Variants in DLG2 observed in about 807,000 individuals in gnomAD.
The protein encoded by DLG2 is disks large homolog 2.
DLG2 carries 45 observed loss-of-function variants against 132.5 expected under a neutral mutation model. The ratio of observed to expected loss-of-function variants is 0.34; its 90% CI spans 0.27 to 0.44. The LOEUF (loss-of-function observed/expected upper bound fraction) is 0.44. DLG2 is among the 20% of genes least tolerant of loss of function. DLG2 has a pLI of 1.00. For missense variants in DLG2, 1,045 were observed against 1,196.9 expected, an observed-to-expected ratio of 0.87 and a Z score of 1.87; for synonymous variants, 424 against 419.6, an observed-to-expected ratio of 1.01 and a Z score of -0.13.
At chr11:83,813,012 T>C (rs922383647) in intron 17 of DLG2, among the ~76,000 whole-genome samples, 2 of 152,300 alleles carry the variant, frequency 1.3e-5, no homozygotes, top group Non-Finnish European at 2.9e-5. Context: ...GGGTGCTCTA[T>C]ACCCCTTGGC....
chr11:85,401,905 G>C (rs1458802035), intron 3 of DLG2, among the ~76,000 whole-genome samples: 1 of 152,092 alleles, frequency 6.6e-6, no homozygotes, highest in African/African-American at 2.4e-5. Context: ...TGTGAAAATG[G>C]CCATACTGCC....
chr11:84,278,603 C>T (rs1463196234), intron 7 of DLG2, among the ~76,000 whole-genome samples: 3 of 151,826 alleles, frequency 2.0e-5, no homozygotes, highest in Non-Finnish European at 2.9e-5. Context: ...CAAATTTAAT[C>T]GAACAATATA....
At chr11:84,327,824 T>C (rs2098440037) in intron 7 of DLG2, among the ~76,000 whole-genome samples, 1 of 152,238 alleles carries the variant, frequency 6.6e-6, no homozygotes, top group East Asian at 1.9e-4. Flanking sequence ...TCTTTTAAGT[T>C]CCTTAGTTCT....
chr11:84,594,230 A>C (rs1213704417), intron 6 of DLG2, among the ~76,000 whole-genome samples: 5 of 152,210 alleles, frequency 3.3e-5, no homozygotes, highest in Non-Finnish European at 7.3e-5. Context: ...CCTGGTAAGA[A>C]ATGCACAGTT....
chr11:83,477,840 T>C (rs1814084262), intron 22 of DLG2, among the ~76,000 whole-genome samples: 1 of 152,064 alleles, frequency 6.6e-6, no homozygotes. Flanking sequence ...TCAAAGTTGG[T>C]ACCTCCTGGA....
intron 3 of DLG2, among the ~76,000 whole-genome samples, chr11:85,305,595 C>A (rs988885841): frequency 6.6e-6 from 1 of 152,142 alleles, no homozygotes; most frequent in Admixed American, 6.5e-5. Flanking sequence ...TCACTGCAAG[C>A]TCCGCCTCCC....
chr11:84,667,089 A>C (rs919279959), intron 6 of DLG2, among the ~76,000 whole-genome samples: 6 of 152,230 alleles, frequency 3.9e-5, no homozygotes, highest in Middle Eastern at 3.4e-3. Context: ...CCGTTATGTG[A>C]GTGTTAGTTA....
chr11:83,621,262 T>G (rs894567094), intron 19 of DLG2, among the ~76,000 whole-genome samples: 1 of 152,148 alleles, frequency 6.6e-6, no homozygotes, highest in East Asian at 1.9e-4. Flanking sequence ...ATCAACGCCA[T>G]GATTTTTTTT....
intron 3 of DLG2, among the ~76,000 whole-genome samples, chr11:85,549,039 A>G (rs2076501373): frequency 6.6e-6 from 1 of 151,898 alleles, no homozygotes; most frequent in Non-Finnish European, 1.5e-5. Flanking sequence ...TGGGGTATGA[A>G]AAAAAAACTC....
intron 3 of DLG2, among the ~76,000 whole-genome samples, chr11:85,323,491 C>T (rs2081224997): frequency 6.6e-6 from 1 of 152,144 alleles, no homozygotes; most frequent in Admixed American, 6.5e-5. Context: ...TTTGTCATTT[C>T]TTTGTGTTGG....
At chr11:84,084,891 C>G (rs1365619347) in intron 10 of DLG2, among the ~76,000 whole-genome samples, 1 of 152,162 alleles carries the variant, frequency 6.6e-6, no homozygotes, top group Non-Finnish European at 1.5e-5. Context: ...TTTCTGTCCA[C>G]TGATCTCCAC....
At chr11:85,417,224 C>A (rs915752383) in intron 3 of DLG2, among the ~76,000 whole-genome samples, 4 of 152,134 alleles carry the variant, frequency 2.6e-5, no homozygotes, top group Non-Finnish European at 5.9e-5. Context: ...GTCTTTGGTT[C>A]TGTTTATGTG....
At chr11:84,892,518 T>A (rs1328517316) in intron 6 of DLG2, among the ~76,000 whole-genome samples, 1 of 152,130 alleles carries the variant, frequency 6.6e-6, no homozygotes, top group Non-Finnish European at 1.5e-5. Context: ...AGTATTTTTA[T>A]TTATTTATAT....
At chr11:84,153,748 T>C (rs960972725) in intron 9 of DLG2, among the ~76,000 whole-genome samples, 1 of 152,198 alleles carries the variant, frequency 6.6e-6, no homozygotes, top group Non-Finnish European at 1.5e-5. Flanking sequence ...ATGGATAGTT[T>C]TACTGGCTTC....
chr11:84,925,967 A>G (rs2092963124), intron 6 of DLG2, among the ~76,000 whole-genome samples: 1 of 152,190 alleles, frequency 6.6e-6, no homozygotes, highest in South Asian at 2.1e-4. Context: ...AATTGTGACT[A>G]TATGAAAATA....
chr11:84,830,963 C>A (rs1566082159), intron 6 of DLG2, among the ~76,000 whole-genome samples: 1 of 108,646 alleles, frequency 9.2e-6, no homozygotes, highest in African/African-American at 3.5e-5. Context: ...CCCCCACCCC[C>A]CCCAGCTCTG....
chr11:85,135,908 C>T (rs1320283709), intron 5 of DLG2, among the ~76,000 whole-genome samples: 1 of 152,060 alleles, frequency 6.6e-6, no homozygotes, highest in Non-Finnish European at 1.5e-5. Flanking sequence ...TTTACGTCTA[C>T]AAAATAGAGG....
In DLG2 at chr11:84,444,364, C is replaced by A. The variant is rs980715978; in HGVS notation, c.519+90206G>T. Among the ~76,000 whole-genome samples the A allele has an allele frequency of 4.0e-5, 6 of 151,482 alleles. No homozygotes were observed. In the East Asian group the frequency reaches 1.2e-3, roughly 29 times the overall value. ...CAAACCTGCACATCCTGCACATGTA[C>A]CCAATAACTTAAAAGGTGATAAAAT... On this transcript the variant is annotated intron_variant, in intron 7 of 27. Transcript: ENST00000376104.
intron 19 of DLG2, among the ~76,000 whole-genome samples, chr11:83,597,571 C>T (rs937649645): frequency 2.0e-5 from 3 of 151,796 alleles, no homozygotes; most frequent in African/African-American, 7.3e-5. Context: ...GTAGTGTGTG[C>T]CTATAGTCGC....
Sources: allele counts gnomAD v4.1 joint callset (sites outside exome capture counted in the v4.1 genomes callset), GRCh38; gene constraint gnomAD v4.1.1; transcripts MANE v1.5; gene names NCBI Gene and HGNC (gene_info 2026-07-23, HGNC 2026-07-21).